The following CCDC7 variants were observed in gnomAD, a reference collection of about 807,000 sequenced individuals.
CCDC7 encodes the protein coiled-coil domain containing 7, also known as coiled-coil domain-containing protein 7.
In CCDC7, 183 loss-of-function variants were observed where a neutral mutation model predicts 196.9. That is an observed-to-expected ratio of 0.93 (90% CI 0.82 to 1.05). CCDC7 has a LOEUF of 1.05. Ranked by LOEUF, CCDC7 falls within the 50% of genes least tolerant of loss-of-function variation. The pLI is 0.00. For synonymous variants in CCDC7, 525 were observed against 484.6 expected, an observed-to-expected ratio of 1.08 and a Z score of -1.10; for missense variants, 1,540 against 1,482.2, an observed-to-expected ratio of 1.04 and a Z score of -0.64.
intron 18 of CCDC7, among the ~76,000 whole-genome samples, chr10:32,629,187 A>G (rs994280303): frequency 2.0e-5 from 3 of 152,144 alleles, no homozygotes; most frequent in African/African-American, 4.8e-5. Flanking sequence ...CGGTATTTAC[A>G]GCATATATAT....
At chr10:32,512,831 A>G (rs2046426114) in intron 9 of CCDC7, 1 of 152,170 alleles carries the variant, frequency 6.6e-6, no homozygotes, top group Non-Finnish European at 1.5e-5. Context: ...TGGCCAATAA[A>G]CATTTTAAGA....
chr10:32,480,511 A>G (rs996897945), intron 8 of CCDC7, among the ~76,000 whole-genome samples: 2 of 151,916 alleles, frequency 1.3e-5, no homozygotes, highest in Admixed American at 6.6e-5. Context: ...TATTGCTATA[A>G]TCTTCCTTTT....
intron 9 of CCDC7, among the ~76,000 whole-genome samples, chr10:32,505,970 GGCGCTCCTC>G (rs1564488343): frequency 2.7e-5 from 4 of 150,578 alleles, no homozygotes; most frequent in Non-Finnish European, 5.9e-5. Context: ...GCCGGGCAGA[GGCGCTCCTC>G]ACTTCCCAGA....
intron 18 of CCDC7, among the ~76,000 whole-genome samples, chr10:32,621,474 A>G (rs557328518): frequency 2.0e-5 from 3 of 152,202 alleles, no homozygotes; most frequent in Non-Finnish European, 4.4e-5. Flanking sequence ...CTGTCTGTCT[A>G]TATCTCTATC....
At chr10:32,707,079 C>T (rs183666983) in intron 24 of CCDC7, among the ~76,000 whole-genome samples, 141 of 152,318 alleles carry the variant, frequency 9.3e-4, no homozygotes, top group African/African-American at 3.1e-3. Flanking sequence ...CAATAAAATA[C>T]TAGCAAACAG....
At chr10:32,641,919 C>T (rs2066876554) in intron 20 of CCDC7, among the ~76,000 whole-genome samples, 1 of 152,172 alleles carries the variant, frequency 6.6e-6, no homozygotes, top group Non-Finnish European at 1.5e-5. Flanking sequence ...GAGGTCCACT[C>T]CAGACCCTGT....
chr10:32,693,851 A>G (rs2077370049), intron 23 of CCDC7, among the ~76,000 whole-genome samples: 1 of 152,162 alleles, frequency 6.6e-6, no homozygotes, highest in African/African-American at 2.4e-5. Context: ...CTGATATGGC[A>G]TAGCATTCTG....
chr10:32,868,279 G>T (rs1169774570), intron 41 of CCDC7, among the ~76,000 whole-genome samples: 1 of 151,922 alleles, frequency 6.6e-6, no homozygotes, highest in African/African-American at 2.4e-5. Flanking sequence ...ATAAATGAAA[G>T]TGGAATTACT....
At chr10:32,488,193 C>T (rs1386931004) in intron 8 of CCDC7, among the ~76,000 whole-genome samples, 7 of 152,236 alleles carry the variant, frequency 4.6e-5, no homozygotes, top group Admixed American at 6.5e-5. Flanking sequence ...GGCGGGCGCC[C>T]CTCCCTCAGC....
chr10:32,464,496 G>GTGTTTGTTTGTT (rs33997704), intron 5 of CCDC7, among the ~76,000 whole-genome samples: 1 of 151,328 alleles, frequency 6.6e-6, no homozygotes, highest in South Asian at 2.1e-4. Context: ...TCAAGACTTT[G>GTGTTTGTTTGTT]TGTTTGTTTG....
intron 28 of CCDC7, among the ~76,000 whole-genome samples, chr10:32,758,243 C>G (rs919742027): frequency 2.0e-5 from 3 of 152,166 alleles, no homozygotes; most frequent in Admixed American, 6.5e-5. Flanking sequence ...CTCCCCAACT[C>G]ATTTTATGAG....
intron 18 of CCDC7, among the ~76,000 whole-genome samples, chr10:32,607,349 A>G (rs1004799072): frequency 3.3e-5 from 5 of 152,330 alleles, no homozygotes; most frequent in Admixed American, 2.6e-4. Context: ...CTAACACATT[A>G]TGACTTCTAA....
chr10:32,824,098 T>A (rs2090727307), intron 31 of CCDC7, among the ~76,000 whole-genome samples: 1 of 152,142 alleles, frequency 6.6e-6, no homozygotes, highest in Non-Finnish European at 1.5e-5. Context: ...AAAAAATTGA[T>A]GTTCCACCTC....
At chr10:32,601,580 G>C (rs759605088) in intron 18 of CCDC7, among the ~76,000 whole-genome samples, 43 of 152,136 alleles carry the variant, frequency 2.8e-4, no homozygotes, top group Non-Finnish European at 4.4e-4. Flanking sequence ...GTGGGGACTT[G>C]GAGAACTTTT....
At chr10:32,802,514 C>T (rs1214259335) in intron 29 of CCDC7, among the ~76,000 whole-genome samples, 1 of 152,114 alleles carries the variant, frequency 6.6e-6, no homozygotes, top group Non-Finnish European at 1.5e-5. Context: ...CCTCTAGAAC[C>T]ACTCCCAGTA....
At chr10:32,814,647 G>C (rs2087977625) in intron 31 of CCDC7, among the ~76,000 whole-genome samples, 194 bp downstream of exon 32, 1 of 152,136 alleles carries the variant, frequency 6.6e-6, no homozygotes, top group Admixed American at 6.5e-5. Context: ...AAAAGCAGAA[G>C]GGCTAGATGA....
At chr10:32,557,423 T>A (rs569964184) in intron 13 of CCDC7, among the ~76,000 whole-genome samples, 1 of 152,254 alleles carries the variant, frequency 6.6e-6, no homozygotes. Flanking sequence ...ATTATTATTT[T>A]AAAAATATTT....
At chr10:32,592,827 G>T (rs2059911467) in intron 18 of CCDC7, among the ~76,000 whole-genome samples, 1 of 152,102 alleles carries the variant, frequency 6.6e-6, no homozygotes, top group African/African-American at 2.4e-5. Flanking sequence ...GCAATAGTTT[G>T]CTGAAAATGA....
chr10:32,702,297 T>A (rs899188938), intron 24 of CCDC7, among the ~76,000 whole-genome samples: 3 of 152,052 alleles, frequency 2.0e-5, no homozygotes, highest in Non-Finnish European at 4.4e-5. Flanking sequence ...CATTCAGGAG[T>A]GGGTTGTTCA....
Sources: allele counts gnomAD v4.1 joint callset (sites outside exome capture counted in the v4.1 genomes callset), GRCh38; gene constraint gnomAD v4.1.1; transcripts MANE v1.5; gene names NCBI Gene and HGNC (gene_info 2026-07-23, HGNC 2026-07-21).